The following RBMS3 variants were observed in gnomAD, a reference collection of about 807,000 sequenced individuals.
RBMS3 encodes RNA binding motif single stranded interacting protein 3.
RBMS3 carries 27 observed loss-of-function variants against 66.8 expected under a neutral mutation model. The ratio of observed to expected loss-of-function variants is 0.40; its 90% CI spans 0.30 to 0.56. The LOEUF is 0.56. Among genes scored for constraint, RBMS3 ranks in the 20% least tolerant of loss-of-function variants. The pLI is 0.40. For missense variants in RBMS3, 513 were observed against 549.5 expected, an observed-to-expected ratio of 0.93 and a Z score of 0.66; for synonymous variants, 188 against 183.0, an observed-to-expected ratio of 1.03 and a Z score of -0.22.
At chr3:29,717,384 T>C (rs1245705811) in intron 4 of RBMS3, among the ~76,000 whole-genome samples, 1 of 152,116 alleles carries the variant, frequency 6.6e-6, no homozygotes, top group Non-Finnish European at 1.5e-5. Flanking sequence ...TTCTCAGCTA[T>C]AAATTGTATT....
intron 6 of RBMS3, among the ~76,000 whole-genome samples, chr3:29,852,479 C>T (rs540771564): frequency 1.3e-5 from 2 of 152,114 alleles, no homozygotes; most frequent in East Asian, 3.9e-4. Context: ...TAAAACAACC[C>T]CATTAACAAG....
chr3:29,570,974 A>G (rs371772449), intron 3 of RBMS3, among the ~76,000 whole-genome samples: 5 of 152,060 alleles, frequency 3.3e-5, no homozygotes, highest in African/African-American at 7.2e-5. Flanking sequence ...TTTTCACTAC[A>G]ACCTCTCCAA....
At position 29,440,654 on chromosome 3, in the gene RBMS3, C is replaced by A. The variant is rs535342725; in HGVS notation, c.248+5739C>A. 2.0e-5 allele frequency among the ~76,000 whole-genome samples: 3 copies of A among 152,254 alleles called. No homozygotes were observed. The South Asian group carries it at 6.2e-4, about 32-fold the overall frequency. On this transcript the variant is annotated intron_variant, in intron 2 of 14. Coordinates refer to ENST00000383767, the MANE Select transcript of RBMS3 (RefSeq NM_001003793.3). ...CACCCACAATGAAAAGCCAGAGGAACGAAATAGAAGTGTTTGCGCTGGAGA... is the reference window on the plus strand; with the variant it reads ...CACCCACAATGAAAAGCCAGAGGAAAGAAATAGAAGTGTTTGCGCTGGAGA...
At chr3:29,577,605 A>T (rs1385953417) in intron 3 of RBMS3, among the ~76,000 whole-genome samples, 2 of 152,140 alleles carry the variant, frequency 1.3e-5, no homozygotes, top group African/African-American at 4.8e-5. Context: ...GAGATGGATG[A>T]TTCTTCTCTG....
At chr3:29,367,577 C>A (rs1391151108) in intron 1 of RBMS3, among the ~76,000 whole-genome samples, 3 of 152,012 alleles carry the variant, frequency 2.0e-5, no homozygotes, top group Non-Finnish European at 4.4e-5. Flanking sequence ...ATGTTGTTTA[C>A]AAATAAAGCA....
At chr3:29,922,359 C>A (rs549454517) in intron 10 of RBMS3, among the ~76,000 whole-genome samples, 33 of 151,304 alleles carry the variant, frequency 2.2e-4, no homozygotes, top group Non-Finnish European at 4.9e-4. Flanking sequence ...CGGTGGCGGG[C>A]GCCTGTAGTC....
Position 29,385,308 on chromosome 3 carries a change from A to C in RBMS3, c.76-49435A>C, listed in dbSNP as rs768893193. 7.9e-5 allele frequency among the ~76,000 whole-genome samples: 12 copies of C among 151,666 alleles called. No individual in the cohort carries two copies. In the East Asian group the frequency reaches 2.3e-3, roughly 29 times the overall value. On this transcript the variant is annotated intron_variant, in intron 1 of 14. Coordinates refer to ENST00000383767, the MANE Select transcript of RBMS3 (RefSeq NM_001003793.3). ...GGACTCCCAGGACTGTCTGGTTAGC[A>C]CTCCCCACAGATTTGTCCACTCCCA... is the stretch of plus-strand genomic sequence containing the variant.
At chr3:29,871,800 G>A (rs948068011) in intron 7 of RBMS3, among the ~76,000 whole-genome samples, 5 of 152,188 alleles carry the variant, frequency 3.3e-5, no homozygotes, top group Admixed American at 2.6e-4. Context: ...CCATGCGCAT[G>A]CCAATTGATA....
intron 1 of RBMS3, among the ~76,000 whole-genome samples, chr3:29,416,346 A>G (rs921100890): frequency 3.9e-5 from 5 of 127,072 alleles, no homozygotes; most frequent in African/African-American, 1.6e-4. Context: ...AATCCTGTAT[A>G]ATCATTTTGT....
chr3:29,291,828 A>G (rs772010005), intron 1 of RBMS3, among the ~76,000 whole-genome samples: 3 of 151,608 alleles, frequency 2.0e-5, no homozygotes, highest in Non-Finnish European at 4.4e-5. Context: ...CTGCAGCTAG[A>G]CCCACTATCA....
chr3:29,965,577 T>C (rs13072939), intron 12 of RBMS3, among the ~76,000 whole-genome samples: 189 of 152,246 alleles, frequency 1.2e-3, no homozygotes, highest in Non-Finnish European at 2.3e-3. Context: ...ATGGGATTGT[T>C]TGGTTTTTTC....
intron 14 of RBMS3, among the ~76,000 whole-genome samples, chr3:29,997,778 A>C (rs558147256): frequency 2.0e-5 from 3 of 152,234 alleles, no homozygotes; most frequent in African/African-American, 7.2e-5. Context: ...TCAAAATAAT[A>C]AGAGCTATCT....
At chr3:29,401,400 T>C (rs1263332901) in intron 1 of RBMS3, among the ~76,000 whole-genome samples, 1 of 152,132 alleles carries the variant, frequency 6.6e-6, no homozygotes, top group Non-Finnish European at 1.5e-5. Flanking sequence ...GTCCCGCGTT[T>C]ACAGTCTCTG....
chr3:29,478,854 C>A (rs947694856), intron 2 of RBMS3, among the ~76,000 whole-genome samples: 1 of 152,188 alleles, frequency 6.6e-6, no homozygotes, highest in African/African-American at 2.4e-5. Flanking sequence ...GAACAAGTTT[C>A]TTTAGAAGGA....
chr3:29,400,387 A>T (rs1306727804), intron 1 of RBMS3, among the ~76,000 whole-genome samples: 1 of 152,042 alleles, frequency 6.6e-6, no homozygotes, highest in African/African-American at 2.4e-5. Flanking sequence ...CATAGAGACA[A>T]AAAGTAGAAG....
intron 1 of RBMS3, among the ~76,000 whole-genome samples, chr3:29,380,124 A>G (rs1423861172): frequency 2.0e-5 from 3 of 152,116 alleles, no homozygotes; most frequent in Non-Finnish European, 4.4e-5. Context: ...TAAAATAAAT[A>G]GTGGGTACTC....
At chr3:29,517,402 A>C (rs1468930056) in intron 3 of RBMS3, among the ~76,000 whole-genome samples, 1 of 150,506 alleles carries the variant, frequency 6.6e-6, no homozygotes, top group Non-Finnish European at 1.5e-5. Context: ...GGCTCACTGC[A>C]AGCTCCACCT....
chr3:29,344,586 C>T (rs2036467411), intron 1 of RBMS3, among the ~76,000 whole-genome samples: 2 of 152,118 alleles, frequency 1.3e-5, no homozygotes, highest in Admixed American at 6.5e-5. Flanking sequence ...AGGATAATGT[C>T]TTAAATGCAG....
intron 4 of RBMS3, among the ~76,000 whole-genome samples, chr3:29,668,096 A>T (rs2050839399): frequency 6.6e-6 from 1 of 152,326 alleles, no homozygotes; most frequent in African/African-American, 2.4e-5. Flanking sequence ...TTGATATTAT[A>T]TGTCAGTTGT....
Sources: gnomAD v4.1 joint callset for allele counts (sites outside exome capture counted in the v4.1 genomes callset) on GRCh38, gnomAD v4.1.1 for gene constraint, MANE v1.5 for transcripts, NCBI Gene and HGNC (gene_info 2026-07-23, HGNC 2026-07-21) for gene names.